Variants in PARD3B observed in about 807,000 individuals in gnomAD.
The protein encoded by PARD3B is partitioning defective 3 homolog B.
In PARD3B, 103 loss-of-function variants were observed where a neutral mutation model predicts 130.2. That is an observed-to-expected ratio of 0.79 (90% CI 0.67 to 0.93). The LOEUF (loss-of-function observed/expected upper bound fraction) is 0.93, where lower values mean the gene tolerates loss of function less well. Ranked by LOEUF, PARD3B falls within the 40% of genes least tolerant of loss-of-function variation. The pLI, the probability that PARD3B is intolerant of heterozygous loss-of-function variation, is 0.00. For missense variants in PARD3B, 1,609 were observed against 1,499.2 expected (o/e 1.07, Z -1.21); for synonymous variants, 583 against 553.2 (o/e 1.05, Z -0.76).
At chr2:204,585,793 A>AT (rs2032793558) in intron 1 of PARD3B, among the ~76,000 whole-genome samples, 1 of 152,162 alleles carries the variant, frequency 6.6e-6, no homozygotes, top group Non-Finnish European at 1.5e-5. Flanking sequence ...ACATTTTTAC[A>AT]TTTTTTATAC....
In PARD3B at chr2:205,080,538, G is replaced by C. The variant is rs73057157; in HGVS notation, c.505-23888G>C. Among the ~76,000 whole-genome samples, 1,072 of 152,070 alleles carry C rather than the reference G, an allele frequency of 7.0e-3. 18 individuals carry two copies. Among genetic ancestry groups the C allele is most frequent in the African/African-American group, 0.025 (1,018 of 41,512 alleles). The stretch of plus-strand genomic sequence containing the variant: ...ATCGCTATGTTTTTATAAATCCATT[G>C]TTACTTTTATCTAAAAATCTGTTTT... On this transcript the variant is annotated intron_variant, in intron 4 of 22. Coordinates refer to ENST00000406610, the MANE Select transcript of PARD3B (RefSeq NM_001302769.2).
At chr2:205,401,237 G>T (rs758912522) in intron 19 of PARD3B, 114 bp downstream of exon 19, 2 of 755,350 alleles carry the variant, frequency 2.6e-6, no homozygotes, top group East Asian at 5.4e-5. Context: ...GGGGTTGACC[G>T]ATCTGAAAGG....
intron 18 of PARD3B, among the ~76,000 whole-genome samples, chr2:205,304,281 A>G (rs1398284112): frequency 6.6e-6 from 1 of 152,130 alleles, no homozygotes; most frequent in East Asian, 1.9e-4. Flanking sequence ...CGGTCCTGCT[A>G]TCACCTGGGG....
intron 2 of PARD3B, among the ~76,000 whole-genome samples, chr2:204,920,553 A>G (rs2047635708): frequency 6.6e-6 from 1 of 152,116 alleles, no homozygotes; most frequent in South Asian, 2.1e-4. Context: ...CCCTTCAAAT[A>G]CCTTTGTGCT....
At chr2:205,587,948 C>A (rs2054256194) in intron 22 of PARD3B, among the ~76,000 whole-genome samples, 1 of 152,198 alleles carries the variant, frequency 6.6e-6, no homozygotes, top group Non-Finnish European at 1.5e-5. Context: ...TCCTAAAGGG[C>A]AGGGAAGGCC....
At chr2:204,641,944 G>C (rs2035091279) in intron 1 of PARD3B, among the ~76,000 whole-genome samples, 1 of 152,082 alleles carries the variant, frequency 6.6e-6, no homozygotes, top group Non-Finnish European at 1.5e-5. Context: ...TATTAAAAAA[G>C]CCTTATGTTA....
At chr2:205,249,853 C>G (rs1193037296) in intron 16 of PARD3B, among the ~76,000 whole-genome samples, 3 of 151,860 alleles carry the variant, frequency 2.0e-5, no homozygotes, top group Non-Finnish European at 4.4e-5. Flanking sequence ...TTTCATAGAG[C>G]CTTGAAAAAC....
intron 18 of PARD3B, among the ~76,000 whole-genome samples, chr2:205,320,215 G>T (rs1000473981): frequency 7.0e-6 from 1 of 143,732 alleles, no homozygotes; most frequent in South Asian, 2.5e-4. Context: ...AGGGAAGGGT[G>T]GGGGGGAGGA....
intron 21 of PARD3B, among the ~76,000 whole-genome samples, chr2:205,511,894 G>A (rs2050602201): frequency 1.3e-5 from 2 of 152,064 alleles, no homozygotes; most frequent in East Asian, 1.9e-4. Context: ...TCACTACAGC[G>A]GCCATCTTGT....
chr2:204,728,081 A>G (rs2039318788), intron 2 of PARD3B, among the ~76,000 whole-genome samples: 1 of 152,172 alleles, frequency 6.6e-6, no homozygotes, highest in Admixed American at 6.5e-5. Context: ...GAGGATGCAT[A>G]TTAAATTGTC....
rs1433959216 is a variant in PARD3B at position 205,301,249 on chromosome 2, T to C, written c.2393-215T>C. 6.6e-6 allele frequency among the ~76,000 whole-genome samples: 1 copy of C among 152,176 alleles called. No individual in the cohort carries two copies. The highest frequency in any genetic ancestry group is 2.4e-5 in the African/African-American group (1 of 41,442). ...ATATCAAGCCTTTCATACTACCAGCTAAGCAACCGGTTGTCCCCACTCCCA... is the reference window on the plus strand; with the variant it reads ...ATATCAAGCCTTTCATACTACCAGCCAAGCAACCGGTTGTCCCCACTCCCA... On this transcript the variant is annotated intron_variant, in intron 17 of 22. Transcript: ENST00000406610. The surrounding 1 kb of genome is among the most constrained non-coding windows in gnomAD (Gnocchi z 5.2).
chr2:204,938,735 C>G (rs1688660207), intron 2 of PARD3B, among the ~76,000 whole-genome samples: 1 of 152,178 alleles, frequency 6.6e-6, no homozygotes. Flanking sequence ...TGTTTTTAAA[C>G]ATTCTTCAGA....
In PARD3B at chr2:205,321,659, T is replaced by G. The variant is rs1282232866; in HGVS notation, c.2630+19958T>G. ...TTATACTTTTGAGATAAGTCAAGAG[T>G]TGGCCTCAAGTAAACCTCAAAATAG... On this transcript the variant is annotated intron_variant, in intron 18 of 22. Coordinates refer to ENST00000406610, the MANE Select transcript of PARD3B (RefSeq NM_001302769.2). The surrounding 1 kb of genome is among the most constrained non-coding windows in gnomAD (Gnocchi z 4.2). Among the ~76,000 whole-genome samples the G allele has an allele frequency of 3.3e-5, 5 of 152,166 alleles. No homozygotes were observed. Among genetic ancestry groups the G allele is most frequent in the Non-Finnish European group, 5.9e-5 (4 of 68,010 alleles).
intron 21 of PARD3B, among the ~76,000 whole-genome samples, chr2:205,505,154 A>AC (rs2050306124): frequency 6.6e-6 from 1 of 150,540 alleles, no homozygotes; most frequent in African/African-American, 2.4e-5. Context: ...AAAACCAAAC[A>AC]CCGCATGTTC....
chr2:205,194,847 G>A (rs2036584906), intron 15 of PARD3B, among the ~76,000 whole-genome samples: 2 of 151,736 alleles, frequency 1.3e-5, no homozygotes, highest in Non-Finnish European at 1.5e-5. Context: ...GCAGTAGTGC[G>A]ATCTCGGCTC....
chr2:204,969,555 G>T (rs189711459), intron 3 of PARD3B, among the ~76,000 whole-genome samples: 1 of 152,136 alleles, frequency 6.6e-6, no homozygotes, highest in Non-Finnish European at 1.5e-5. Flanking sequence ...GTAGGTAATC[G>T]ATATTATTTT....
intron 2 of PARD3B, among the ~76,000 whole-genome samples, chr2:204,894,055 TAA>T (rs570949073): frequency 2.8e-5 from 4 of 144,486 alleles, no homozygotes; most frequent in South Asian, 2.2e-4. Flanking sequence ...CTATTTTAGT[TAA>T]AAAAAAAAAA....
chr2:205,518,336 T>A (rs1193287885), intron 21 of PARD3B, among the ~76,000 whole-genome samples: 2 of 152,122 alleles, frequency 1.3e-5, no homozygotes, highest in Non-Finnish European at 2.9e-5. Context: ...GTAATGCCCG[T>A]CTTTATCTTA....
At chr2:205,266,986 A>G (rs1411514041) in intron 16 of PARD3B, among the ~76,000 whole-genome samples, 2 of 152,200 alleles carry the variant, frequency 1.3e-5, no homozygotes, top group Non-Finnish European at 2.9e-5. Flanking sequence ...TGTGCTAAAG[A>G]AGAAGACAAT....
Sources: allele counts gnomAD v4.1 joint callset (sites outside exome capture counted in the v4.1 genomes callset), GRCh38; gene constraint gnomAD v4.1.1; non-coding constraint Gnocchi (gnomAD v3.1); transcripts MANE v1.5; gene names NCBI Gene and HGNC (gene_info 2026-07-23, HGNC 2026-07-21).